Variants in ASAP2 observed in about 807,000 individuals in gnomAD.
ASAP2 encodes arf-GAP with SH3 domain, ANK repeat and PH domain-containing protein 2.
Under a neutral mutation model 131.4 loss-of-function variants are expected in ASAP2, and 45 were observed. The observed-to-expected ratio is 0.34, with a 90% CI of 0.27 to 0.44. The LOEUF is 0.44. Among genes scored for constraint, ASAP2 ranks in the 20% least tolerant of loss-of-function variants. The pLI is 1.00. For synonymous variants in ASAP2, 510 were observed against 503.0 expected (o/e 1.01, Z -0.19); for missense variants, 1,011 against 1,297.0 (o/e 0.78, Z 3.39).
At chr2:9,347,214 C>T (rs541894378) in intron 11 of ASAP2, among the ~76,000 whole-genome samples, 2 of 152,336 alleles carry the variant, frequency 1.3e-5, no homozygotes, top group South Asian at 2.1e-4. Flanking sequence ...TTCCTTTTCT[C>T]ACCTTTTCCC....
chr2:9,328,244 G>C (rs1459202706), intron 7 of ASAP2, among the ~76,000 whole-genome samples: 2 of 152,106 alleles, frequency 1.3e-5, no homozygotes, highest in Non-Finnish European at 2.9e-5. Flanking sequence ...TTCTTTGTGG[G>C]ATATTGAAAA....
At chr2:9,312,927 C>T (rs1013624184) in intron 3 of ASAP2, among the ~76,000 whole-genome samples, 14 of 152,284 alleles carry the variant, frequency 9.2e-5, no homozygotes, top group East Asian at 5.8e-4. Flanking sequence ...GGCATGGTGG[C>T]GTGTGCCTGT....
intron 3 of ASAP2, among the ~76,000 whole-genome samples, chr2:9,316,777 A>G (rs1669699476): frequency 6.6e-6 from 1 of 152,010 alleles, no homozygotes; most frequent in African/African-American, 2.4e-5. Flanking sequence ...GGAGGCTTCC[A>G]TTCCACCCAA....
intron 21 of ASAP2, among the ~76,000 whole-genome samples, chr2:9,387,078 T>C (rs4668618): frequency 0.063 from 8,929 of 142,038 alleles, 390 homozygotes; most frequent in African/African-American, 0.077. Flanking sequence ...TGGTGGTGGG[T>C]GGGGGGGCGC....
intron 15 of ASAP2, among the ~76,000 whole-genome samples, chr2:9,359,900 C>T (rs1045675494): frequency 2.2e-4 from 34 of 152,178 alleles, no homozygotes; most frequent in African/African-American, 8.2e-4. Context: ...TCCTTAGTTA[C>T]TTACAGTTTA....
intron 2 of ASAP2, among the ~76,000 whole-genome samples, chr2:9,290,193 GTTATTTAT>G (rs141692216): frequency 5.9e-5 from 9 of 151,938 alleles, no homozygotes; most frequent in African/African-American, 1.5e-4. Flanking sequence ...ATATTCTAAT[GTTATTTAT>G]TTATTTATTT....
At chr2:9,382,499 T>G (rs866433126) in intron 20 of ASAP2, among the ~76,000 whole-genome samples, 43 of 152,356 alleles carry the variant, frequency 2.8e-4, no homozygotes, top group South Asian at 8.3e-4. Context: ...GAACTAGCTA[T>G]CTACCTTCCT....
At chr2:9,340,841 C>T (rs937396029) in intron 9 of ASAP2, among the ~76,000 whole-genome samples, 1 of 152,194 alleles carries the variant, frequency 6.6e-6, no homozygotes, top group Non-Finnish European at 1.5e-5. Context: ...CATAGGGCCA[C>T]AGAAAAGTTA....
intron 1 of ASAP2, among the ~76,000 whole-genome samples, chr2:9,233,281 C>A (rs188298636): frequency 2.0e-5 from 3 of 152,162 alleles, no homozygotes; most frequent in Admixed American, 2.0e-4. Context: ...ATTGCGAAGC[C>A]GTACTATGTT....
chr2:9,218,777 C>T (rs568894019), intron 1 of ASAP2, among the ~76,000 whole-genome samples: 1 of 152,330 alleles, frequency 6.6e-6, no homozygotes, highest in African/African-American at 2.4e-5. Context: ...TCCCCTGCCT[C>T]TTGCCACCCT....
intron 17 of ASAP2, 100 bp from the exon 18 acceptor site, chr2:9,376,807 AT>A: frequency 9.3e-7 from 1 of 1,078,174 alleles, no homozygotes; most frequent in South Asian, 1.4e-5. Flanking sequence ...GAAGGGAAAG[AT>A]AAAAGACTTT....
chr2:9,357,522 A>G (rs1295109284), intron 14 of ASAP2, among the ~76,000 whole-genome samples: 4 of 152,098 alleles, frequency 2.6e-5, no homozygotes, highest in Non-Finnish European at 5.9e-5. Context: ...TTGGCAGGAG[A>G]TGAGGTAGGG....
intron 1 of ASAP2, among the ~76,000 whole-genome samples, chr2:9,265,889 C>T (rs972419010): frequency 1.3e-5 from 2 of 152,218 alleles, no homozygotes; most frequent in South Asian, 2.1e-4. Context: ...TCTCCTGCCT[C>T]AGCCTCCCGA....
chr2:9,305,219 G>T (rs1194064997), intron 3 of ASAP2, among the ~76,000 whole-genome samples: 1 of 151,792 alleles, frequency 6.6e-6, no homozygotes, highest in Non-Finnish European at 1.5e-5. Flanking sequence ...TATAGATATT[G>T]GTTGACAGGC....
chr2:9,366,491 C>T (rs1328533973), intron 15 of ASAP2, among the ~76,000 whole-genome samples: 5 of 152,176 alleles, frequency 3.3e-5, no homozygotes, highest in African/African-American at 4.8e-5. Context: ...AAACCAGGCG[C>T]TCTGACATTG....
At chr2:9,253,306 G>A (rs1382316693) in intron 1 of ASAP2, among the ~76,000 whole-genome samples, 1 of 152,098 alleles carries the variant, frequency 6.6e-6, no homozygotes, top group Non-Finnish European at 1.5e-5. Context: ...TGGGATTACA[G>A]GTGCCCGCCA....
At chr2:9,353,207 A>C (rs1360622522) in intron 12 of ASAP2, among the ~76,000 whole-genome samples, 2 of 151,942 alleles carry the variant, frequency 1.3e-5, no homozygotes, top group Non-Finnish European at 2.9e-5. Context: ...TTCCTCCTCT[A>C]CTTCCTCACC....
rs747952808 is a variant in ASAP2 at position 9,398,468 on chromosome 2, G to A, written c.2685-1555G>A. Reference sequence around the variant, plus strand: ...CCGAGGCTGCGGTGAACTGATTGCCGCACTGCACTCGAGCTTGGGTAATAG... The same window carrying A: ...CCGAGGCTGCGGTGAACTGATTGCCACACTGCACTCGAGCTTGGGTAATAG... On this transcript the variant is annotated intron_variant, in intron 24 of 27. Coordinates refer to ENST00000281419, the MANE Select transcript of ASAP2 (RefSeq NM_003887.3). Among the ~76,000 whole-genome samples, 26 of 151,994 alleles carry A rather than the reference G, an allele frequency of 1.7e-4. No individual in the cohort carries two copies. In the East Asian group the frequency reaches 1.8e-3, roughly 10 times the overall value.
intron 20 of ASAP2, among the ~76,000 whole-genome samples, chr2:9,381,893 A>G (rs1265543963): frequency 6.6e-6 from 1 of 152,166 alleles, no homozygotes; most frequent in Non-Finnish European, 1.5e-5. Context: ...GAGAAAAAAA[A>G]GAACTATTAA....
Sources: allele counts gnomAD v4.1 joint callset (sites outside exome capture counted in the v4.1 genomes callset), GRCh38; gene constraint gnomAD v4.1.1; transcripts MANE v1.5; gene names NCBI Gene and HGNC (gene_info 2026-07-23, HGNC 2026-07-21).